TANGO2: variants seen among roughly 807,000 people sequenced by gnomAD.
The protein encoded by TANGO2 is transport and golgi organization 2 homolog, also known as transport and Golgi organization protein 2 homolog.
A neutral mutation model predicts 39.1 loss-of-function variants in TANGO2; 26 were observed. The observed-to-expected ratio is 0.67, with a 90% CI of 0.49 to 0.92. The LOEUF is 0.92. Among genes scored for constraint, TANGO2 ranks in the 40% least tolerant of loss-of-function variants. The pLI, the probability that TANGO2 is intolerant of heterozygous loss-of-function variation, is 0.00. For missense variants in TANGO2, 326 were observed against 360.1 expected (o/e 0.91, Z 0.77); for synonymous variants, 131 against 144.5 (o/e 0.91, Z 0.67).
intron 1 of TANGO2, among the ~76,000 whole-genome samples, chr22:20,034,340 C>T (rs6518597): frequency 0.38 from 57,718 of 152,126 alleles, 11,166 homozygotes; most frequent in African/African-American, 0.44. Context: ...GATGCATGTA[C>T]GGTTATCTTT....
At chr22:20,053,754 C>G (rs1324409735) in intron 5 of TANGO2, 1 of 615,096 alleles carries the variant, frequency 1.6e-6, no homozygotes, top group African/African-American at 1.8e-5. Flanking sequence ...CCAAGGCTTC[C>G]TGTGATGGCA....
intron 3 of TANGO2, among the ~76,000 whole-genome samples, chr22:20,044,079 C>A (rs960243322): frequency 6.6e-6 from 1 of 152,100 alleles, no homozygotes; most frequent in African/African-American, 2.4e-5. Flanking sequence ...CTGGAAGGTG[C>A]GCATAGATGG....
At chr22:20,054,076 G>T in intron 5 of TANGO2, 1 of 284,822 alleles carries the variant, frequency 3.5e-6, no homozygotes, top group Non-Finnish European at 6.9e-6. Flanking sequence ...ACAGGCAAAC[G>T]GGAAGTGGTC....
chr22:20,059,549 T>G (rs1339030247), intron 6 of TANGO2, among the ~76,000 whole-genome samples: 1 of 152,232 alleles, frequency 6.6e-6, no homozygotes, highest in African/African-American at 2.4e-5. Context: ...AAACTTGCTA[T>G]GTTCTGTGTT....
intron 1 of TANGO2, among the ~76,000 whole-genome samples, chr22:20,028,810 C>T (rs1341897065): frequency 6.6e-6 from 1 of 152,214 alleles, no homozygotes; most frequent in Non-Finnish European, 1.5e-5. Context: ...ACTGGGTCCT[C>T]CATTTGAGGC....
At chr22:20,028,580 G>A (rs1323934797) in intron 1 of TANGO2, among the ~76,000 whole-genome samples, 1 of 152,244 alleles carries the variant, frequency 6.6e-6, no homozygotes, top group African/African-American at 2.4e-5. Flanking sequence ...CTGAATAGAG[G>A]GTGAATGAAC....
chr22:20,060,924 G>A (rs113509411), intron 6 of TANGO2, among the ~76,000 whole-genome samples: 4,579 of 152,254 alleles, frequency 0.03, 114 homozygotes, highest in South Asian at 0.055. Flanking sequence ...TGTGACATGA[G>A]AAACCCTTTT....
chr22:20,024,229 T>A (rs1001050582), intron 1 of TANGO2, among the ~76,000 whole-genome samples: 6 of 152,060 alleles, frequency 3.9e-5, no homozygotes, highest in Non-Finnish European at 7.4e-5. Flanking sequence ...AAAATAAAAA[T>A]AAAAAATGCC....
At chr22:20,042,317 A>G (rs1277126607) in intron 2 of TANGO2, among the ~76,000 whole-genome samples, 1 of 152,128 alleles carries the variant, frequency 6.6e-6, no homozygotes, top group Non-Finnish European at 1.5e-5. Flanking sequence ...CTCAGGTCTA[A>G]TGGACATTGC....
At position 20,063,469 on chromosome 22, in the gene TANGO2, C is replaced by G. The variant is rs113134789; in HGVS notation, c.710+27C>G. 59 of 1,591,052 alleles carry G rather than the reference C, an allele frequency of 3.7e-5. 1 individual carries two copies. The African/African-American group carries it at 4.7e-4, about 13-fold the overall frequency. ...TATTGCAGCACCGTGGGTGCGCCAC[C>G]TCCTATCCCATGTCCCACCTCCCAC... On this transcript the variant is annotated intron_variant, in intron 8 of 8. Coordinates refer to ENST00000327374, the MANE Select transcript of TANGO2 (RefSeq NM_152906.7).
At chr22:20,028,550 T>C (rs1334800173) in intron 1 of TANGO2, among the ~76,000 whole-genome samples, 2 of 152,214 alleles carry the variant, frequency 1.3e-5, no homozygotes, top group Non-Finnish European at 2.9e-5. Flanking sequence ...GACTCAGCCT[T>C]AGGCTGGGGC....
At chr22:20,061,430 G>A in intron 6 of TANGO2, 100 bp from the exon 7 acceptor site, 2 of 1,378,558 alleles carry the variant, frequency 1.5e-6, no homozygotes, top group Non-Finnish European at 1.9e-6. Context: ...CTGATTTCAT[G>A]GTCCCCAGCT....
In TANGO2 at chr22:20,036,771, T is replaced by C. The variant is rs2042924965; in HGVS notation, c.-28T>C. 1 of 1,614,060 alleles carries C rather than the reference T, an allele frequency of 6.2e-7. No individual in the cohort carries two copies. Among genetic ancestry groups the C allele is most frequent in the South Asian group, 1.1e-5 (1 of 91,080 alleles). On this transcript the variant is annotated 5_prime_UTR_variant, in exon 2 of 9. Transcript: ENST00000327374. ...TCCTTTTCCCGCAGACCTCGCGACC[T>C]GTGTCAGCAGAGCCGCCCTGCACCA...
chr22:20,018,164 A>G (rs1945335451), upstream of TANGO2, among the ~76,000 whole-genome samples: 1 of 152,248 alleles, frequency 6.6e-6, no homozygotes, highest in African/African-American at 2.4e-5. Context: ...TGCTGGCAGC[A>G]TGGTGAATCG....
At chr22:20,052,414 G>A in intron 3 of TANGO2, 51 bp from the exon 4 acceptor site, 1 of 1,559,602 alleles carries the variant, frequency 6.4e-7, no homozygotes, top group Non-Finnish European at 8.7e-7. Context: ...GAACCAGGTG[G>A]GGGACTGGAA....
intron 8 of TANGO2, among the ~76,000 whole-genome samples, chr22:20,063,830 T>C (rs1387624036): frequency 6.6e-6 from 1 of 152,216 alleles, no homozygotes; most frequent in African/African-American, 2.4e-5. Flanking sequence ...AGGGTGTCAT[T>C]TCCTTCAGCC....
chr22:20,066,633 G>A lies in TANGO2; in HGVS notation c.*1971G>A, dbSNP rs1246882386. On this transcript the variant is annotated 3_prime_UTR_variant, in exon 9 of 9. Coordinates refer to ENST00000327374, the MANE Select transcript of TANGO2 (RefSeq NM_152906.7). ...CGACCCAGGCTGCACCCCCAGGCCTGAGGAGAAACTGAGGCCCCACATCCC... is the reference window on the plus strand; with the variant it reads ...CGACCCAGGCTGCACCCCCAGGCCTAAGGAGAAACTGAGGCCCCACATCCC... Among the ~76,000 whole-genome samples the A allele has an allele frequency of 1.3e-5, 2 of 152,172 alleles. No homozygotes were observed. Among genetic ancestry groups the A allele is most frequent in the Admixed American group, 6.5e-5 (1 of 15,286 alleles).
intron 8 of TANGO2, among the ~76,000 whole-genome samples, chr22:20,064,063 A>G (rs1272312721): frequency 2.0e-5 from 3 of 152,180 alleles, no homozygotes; most frequent in African/African-American, 7.2e-5. Context: ...AGTGTGCTGA[A>G]TGTTTGCTTC....
chr22:20,044,038 A>G (rs1216019625), intron 3 of TANGO2, among the ~76,000 whole-genome samples: 1 of 152,150 alleles, frequency 6.6e-6, no homozygotes, highest in Non-Finnish European at 1.5e-5. Context: ...GACAGGAACC[A>G]GTTCCTGCCC....
Sources: allele counts gnomAD v4.1 joint callset (sites outside exome capture counted in the v4.1 genomes callset), GRCh38; gene constraint gnomAD v4.1.1; transcripts MANE v1.5; gene names NCBI Gene and HGNC (gene_info 2026-07-23, HGNC 2026-07-21).